Variants in PTPRD observed in about 807,000 individuals in gnomAD.
The protein encoded by PTPRD is protein tyrosine phosphatase receptor type D.
Under a neutral mutation model 214.5 loss-of-function variants are expected in PTPRD, and 34 were observed. The observed-to-expected ratio is 0.16, with a 90% CI of 0.12 to 0.21. The LOEUF (loss-of-function observed/expected upper bound fraction) is 0.21, where lower values mean the gene tolerates loss of function less well. Ranked by LOEUF, PTPRD falls within the 10% of genes least tolerant of loss-of-function variation. The probability of loss-of-function intolerance (pLI) is 1.00; values close to 1 mark genes in which losing one functional copy is unlikely to be tolerated. For synonymous variants in PTPRD, 1,128 were observed against 845.7 expected (o/e 1.33, Z -5.79); for missense variants, 2,545 against 2,398.7 (o/e 1.06, Z -1.27).
intron 8 of PTPRD, among the ~76,000 whole-genome samples, chr9:9,435,658 C>G (rs1448508937): frequency 1.3e-5 from 2 of 151,944 alleles, no homozygotes; most frequent in Non-Finnish European, 2.9e-5. Flanking sequence ...GTAAAAGTTG[C>G]ATATATCATA....
rs141580301 is a variant in PTPRD, at chr9:9,738,786, C to G, written c.-325-4215G>C. ...TGGGTTGTCTTTTTATTGTTGAGTT[C>G]TAAGTGATCTCAATATTTTATTAGA... On this transcript the variant is annotated intron_variant, in intron 6 of 45. Coordinates refer to ENST00000381196, the MANE Select transcript of PTPRD (RefSeq NM_002839.4). 1.5e-3 allele frequency among the ~76,000 whole-genome samples: 234 copies of G among 152,098 alleles called. 1 individual carries two copies. The highest frequency in any genetic ancestry group is 5.3e-3 in the African/African-American group (220 of 41,484).
chr9:10,093,396 A>C (rs2154200466), intron 3 of PTPRD, among the ~76,000 whole-genome samples: 1 of 151,700 alleles, frequency 6.6e-6, no homozygotes, highest in South Asian at 2.1e-4. Context: ...ACAATGCGAC[A>C]GTTTCTTATA....
intron 9 of PTPRD, among the ~76,000 whole-genome samples, chr9:9,342,492 C>T (rs948849670): frequency 2.0e-5 from 3 of 152,076 alleles, no homozygotes; most frequent in Non-Finnish European, 2.9e-5. Context: ...TGGCTATATG[C>T]TTTCTAATAT....
At chr9:9,998,129 A>AAAAAAAAAATAT (rs57991748) in intron 4 of PTPRD, among the ~76,000 whole-genome samples, 15 of 91,454 alleles carry the variant, frequency 1.6e-4, no homozygotes, top group South Asian at 6.7e-4. Flanking sequence ...AAAAAAAAAA[A>AAAAAAAAAATAT]ATATATATAT....
rs78445634 is a variant in PTPRD, at chr9:8,970,762, T to G, written c.-104+47935A>C. 7.7e-3 allele frequency among the ~76,000 whole-genome samples: 1,175 copies of G among 151,906 alleles called. 46 individuals carry two copies. Among genetic ancestry groups the G allele is most frequent in the Admixed American group, 0.056 (848 of 15,206 alleles). ...GAAAATCTAAGTTCAAGCAAAATTT[T>G]CAGTTGTTTTTGATAAAGCAGGACA... On this transcript the variant is annotated intron_variant, in intron 11 of 45. Transcript: ENST00000381196.
intron 9 of PTPRD, among the ~76,000 whole-genome samples, chr9:9,205,749 C>T (rs573416556): frequency 2.4e-4 from 37 of 152,248 alleles, no homozygotes; most frequent in African/African-American, 8.2e-4. Context: ...TACTCATTCA[C>T]CCATTTATAA....
intron 12 of PTPRD, among the ~76,000 whole-genome samples, chr9:8,639,909 T>C (rs2096535785): frequency 6.6e-6 from 1 of 152,182 alleles, no homozygotes; most frequent in South Asian, 2.1e-4. Context: ...CATTTATCTT[T>C]ATTTTCTGGT....
At chr9:8,884,929 G>A (rs188829876) in intron 11 of PTPRD, among the ~76,000 whole-genome samples, 32 of 150,260 alleles carry the variant, frequency 2.1e-4, no homozygotes, top group Admixed American at 9.3e-4. Context: ...GAAACAAAAA[G>A]TTATCTCCTG....
chr9:10,522,626 C>T (rs2052726932), intron 2 of PTPRD, among the ~76,000 whole-genome samples: 1 of 151,930 alleles, frequency 6.6e-6, no homozygotes, highest in East Asian at 1.9e-4. Flanking sequence ...CTGAAAGCAC[C>T]AACTGTGACC....
chr9:9,932,058 A>G (rs1366817211), intron 5 of PTPRD, among the ~76,000 whole-genome samples: 8 of 150,910 alleles, frequency 5.3e-5, no homozygotes, highest in Non-Finnish European at 8.9e-5. Flanking sequence ...AAGGACATCC[A>G]CACCAAAAAC....
chr9:10,200,341 G>A (rs377685209), intron 3 of PTPRD, among the ~76,000 whole-genome samples: 13 of 152,000 alleles, frequency 8.6e-5, no homozygotes, highest in Admixed American at 2.0e-4. Context: ...GGGCAAATTT[G>A]GTAATATGTG....
intron 7 of PTPRD, among the ~76,000 whole-genome samples, chr9:9,615,901 T>G (rs573677615): frequency 1.1e-4 from 16 of 152,348 alleles, no homozygotes; most frequent in Non-Finnish European, 2.1e-4. Context: ...AGGATGGCTG[T>G]GTGTATAACT....
chr9:10,117,847 G>A (rs17681526), intron 3 of PTPRD, among the ~76,000 whole-genome samples: 5,747 of 152,004 alleles, frequency 0.038, 191 homozygotes, highest in Admixed American at 0.091. Context: ...TGTCTCCAGA[G>A]AAGATTTATG....
intron 4 of PTPRD, among the ~76,000 whole-genome samples, chr9:9,940,499 A>G (rs905885789): frequency 6.6e-6 from 1 of 152,190 alleles, no homozygotes; most frequent in African/African-American, 2.4e-5. Flanking sequence ...ATTAGATTTG[A>G]GTCCTATCTC....
At chr9:9,215,222 C>G (rs765186644) in intron 9 of PTPRD, among the ~76,000 whole-genome samples, 5 of 152,140 alleles carry the variant, frequency 3.3e-5, no homozygotes, top group Admixed American at 6.6e-5. Flanking sequence ...TCATGTGTCT[C>G]TTAATTGACT....
intron 9 of PTPRD, among the ~76,000 whole-genome samples, chr9:9,286,814 A>C (rs545603698): frequency 1.4e-5 from 2 of 142,962 alleles, no homozygotes; most frequent in South Asian, 2.3e-4. Flanking sequence ...GCCTGAAAAA[A>C]TGATGCTCAA....
At chr9:10,224,199 A>G (rs967008946) in intron 3 of PTPRD, among the ~76,000 whole-genome samples, 1 of 152,106 alleles carries the variant, frequency 6.6e-6, no homozygotes, top group East Asian at 1.9e-4. Flanking sequence ...CCACTATATA[A>G]ATTATCTTAT....
intron 11 of PTPRD, among the ~76,000 whole-genome samples, chr9:8,837,131 T>A (rs2097446217): frequency 6.6e-6 from 1 of 151,604 alleles, no homozygotes; most frequent in Admixed American, 6.6e-5. Context: ...GTTCAAGTGA[T>A]TCTCCTGCCT....
At chr9:9,561,870 G>A (rs1030075767) in intron 8 of PTPRD, among the ~76,000 whole-genome samples, 1 of 152,054 alleles carries the variant, frequency 6.6e-6, no homozygotes, top group African/African-American at 2.4e-5. Context: ...ATGGCCCATG[G>A]CTCAGACTTA....
Sources: gnomAD v4.1 joint callset for allele counts (sites outside exome capture counted in the v4.1 genomes callset) on GRCh38, gnomAD v4.1.1 for gene constraint, MANE v1.5 for transcripts, NCBI Gene and HGNC (gene_info 2026-07-23, HGNC 2026-07-21) for gene names.